Variants in MBD5 observed in about 807,000 individuals in gnomAD.
The protein encoded by MBD5 is methyl-CpG-binding domain protein 5.
MBD5 carries 13 observed loss-of-function variants against 117.3 expected under a neutral mutation model. The observed-to-expected ratio is 0.11, with a 90% confidence interval of 0.07 to 0.18. The LOEUF (loss-of-function observed/expected upper bound fraction) is 0.18. Among genes scored for constraint, MBD5 ranks in the 10% least tolerant of loss-of-function variants. The pLI is 1.00. For synonymous variants in MBD5, 727 were observed against 766.4 expected, an observed-to-expected ratio of 0.95 and a Z score of 0.85; for missense variants, 1,879 against 2,093.8, an observed-to-expected ratio of 0.90 and a Z score of 2.00.
At chr2:148,229,214 A>C (rs1174035318) in intron 2 of MBD5, among the ~76,000 whole-genome samples, 1 of 150,232 alleles carries the variant, frequency 6.7e-6, no homozygotes, top group African/African-American at 2.5e-5. Context: ...GTGTATTTTC[A>C]AACAGCCTAT....
intron 4 of MBD5, among the ~76,000 whole-genome samples, chr2:148,358,515 G>A (rs1017459949): frequency 1.3e-5 from 2 of 151,180 alleles, no homozygotes; most frequent in African/African-American, 4.9e-5. Flanking sequence ...GCTCACGCCT[G>A]TAAGTGCTCA....
chr2:148,108,605 C>T (rs763092345), intron 1 of MBD5, among the ~76,000 whole-genome samples: 1 of 151,794 alleles, frequency 6.6e-6, no homozygotes, highest in Non-Finnish European at 1.5e-5. Flanking sequence ...AGGTGAAAAA[C>T]GATTTAAGTG....
Position 148,513,122 on chromosome 2 carries a change from A to G in MBD5, c.*181A>G, listed in dbSNP as rs1426287579. The G allele has an allele frequency of 2.9e-5, 18 of 620,322 alleles. No homozygotes were observed. Among genetic ancestry groups the G allele is most frequent in the Middle Eastern group, 3.9e-4 (1 of 2,576 alleles). 38.4% of individuals were successfully genotyped at this position (620,322 alleles called of 1,614,324 possible). A position where few individuals can be genotyped will look rare whatever the true frequency, so the allele number is the denominator to read the frequency against. ...TTTTTTTGATCAGGAAGGATAATGAATGCTGGAAAAGCCAATCAAAGTCTC... is the reference window on the plus strand; with the variant it reads ...TTTTTTTGATCAGGAAGGATAATGAGTGCTGGAAAAGCCAATCAAAGTCTC... On this transcript the variant is annotated 3_prime_UTR_variant, in exon 14 of 14. Transcript: ENST00000642680.
At chr2:148,249,998 T>G (rs1406962211) in intron 3 of MBD5, among the ~76,000 whole-genome samples, 1 of 152,188 alleles carries the variant, frequency 6.6e-6, no homozygotes, top group Admixed American at 6.5e-5. Context: ...TTCCGCTACT[T>G]TCTTATTATG....
At chr2:148,132,511 A>G (rs1697075339) in intron 1 of MBD5, among the ~76,000 whole-genome samples, 1 of 152,038 alleles carries the variant, frequency 6.6e-6, no homozygotes, top group African/African-American at 2.4e-5. Flanking sequence ...TTAATATTGA[A>G]TAAGCATAAA....
intron 1 of MBD5, among the ~76,000 whole-genome samples, chr2:148,083,351 G>A (rs928970649): frequency 6.6e-6 from 1 of 152,038 alleles, no homozygotes; most frequent in African/African-American, 2.4e-5. Context: ...TTTTGCGAAA[G>A]GATTGATTAC....
At chr2:148,402,034 T>C (rs941864256) in intron 4 of MBD5, among the ~76,000 whole-genome samples, 3 of 152,152 alleles carry the variant, frequency 2.0e-5, no homozygotes, top group African/African-American at 7.2e-5. Flanking sequence ...CGGTGCTTTA[T>C]AGTAGGGTCA....
At chr2:148,424,796 A>G (rs949170714) in intron 4 of MBD5, among the ~76,000 whole-genome samples, 1 of 152,222 alleles carries the variant, frequency 6.6e-6, no homozygotes, top group Admixed American at 6.5e-5. Context: ...TGGATAAATA[A>G]CGAAATTAAG....
At chr2:148,376,459 G>C (rs1309501157) in intron 4 of MBD5, among the ~76,000 whole-genome samples, 1 of 150,050 alleles carries the variant, frequency 6.7e-6, no homozygotes, top group East Asian at 2.0e-4. Flanking sequence ...AGCAGAGACG[G>C]GGTTTCACTG....
intron 1 of MBD5, among the ~76,000 whole-genome samples, chr2:148,046,088 A>G (rs932054223): frequency 2.1e-5 from 3 of 142,678 alleles, no homozygotes; most frequent in African/African-American, 7.9e-5. Flanking sequence ...GGTTCAAGTG[A>G]TCCTCCTGCC....
chr2:148,173,970 C>T (rs1698323452), intron 1 of MBD5, among the ~76,000 whole-genome samples: 1 of 152,090 alleles, frequency 6.6e-6, no homozygotes, highest in Non-Finnish European at 1.5e-5. Flanking sequence ...ACAACAAAAA[C>T]TTGCATAGCC....
intron 2 of MBD5, among the ~76,000 whole-genome samples, chr2:148,214,172 G>A (rs925900575): frequency 6.6e-6 from 1 of 151,994 alleles, no homozygotes; most frequent in Non-Finnish European, 1.5e-5. Flanking sequence ...TAGGTGAGAG[G>A]CCAACAAATT....
rs150972614 is a variant in MBD5, at chr2:148,489,551, G to A, written c.3919G>A (p.Gly1307Ser). The part of the protein sequence containing the change: ...DPSLGQQVKD[G>S]LVVGGPGDAS... ...ATCTCTTGGTCAACAGGTGAAGGAT[G>A]GCCTCGTTGTGGGTGGCCCAGGTGA... The change falls in exon 11 of 14, where the codon GGC becomes AGC. Residue 1307 changes from glycine to serine, a missense_variant. By Grantham distance (56) the Gly-to-Ser change is moderately conservative (BLOSUM62 0). This residue lies in a region of MBD5 where 1,666 missense variants were observed against 1,792.2 expected (regional missense o/e 0.93). Coordinates refer to ENST00000642680, the MANE Select transcript of MBD5 (RefSeq NM_001378120.1). The A allele has an allele frequency of 8.7e-6, 14 of 1,614,050 alleles. No homozygotes were observed. The African/African-American group carries it at 1.7e-4, about 20-fold the overall frequency.
intron 1 of MBD5, among the ~76,000 whole-genome samples, chr2:148,152,038 G>C (rs1045473068): frequency 5.3e-5 from 8 of 151,166 alleles, no homozygotes; most frequent in Middle Eastern, 6.8e-3. Flanking sequence ...ATGTTAGGGT[G>C]TCAATTTTGG....
intron 4 of MBD5, among the ~76,000 whole-genome samples, chr2:148,381,502 G>A (rs187645905): frequency 0.02 from 3,050 of 152,246 alleles, 110 homozygotes; most frequent in African/African-American, 0.07. Context: ...TGAAAGTGAC[G>A]GGGAGATTGG....
intron 11 of MBD5, among the ~76,000 whole-genome samples, chr2:148,492,139 C>A (rs1478348052): frequency 6.6e-6 from 1 of 150,914 alleles, no homozygotes; most frequent in South Asian, 2.1e-4. Context: ...ACTCCTGAGA[C>A]TGAGGTATTC....
intron 4 of MBD5, among the ~76,000 whole-genome samples, chr2:148,352,977 T>C (rs1037467943): frequency 1.3e-5 from 2 of 152,076 alleles, no homozygotes; most frequent in South Asian, 4.1e-4. Context: ...GGAGAAAGCA[T>C]ATGTAAAATT....
intron 2 of MBD5, among the ~76,000 whole-genome samples, chr2:148,188,302 T>C (rs1394873873): frequency 6.6e-6 from 1 of 152,202 alleles, no homozygotes; most frequent in Admixed American, 6.5e-5. Flanking sequence ...CTGTGATAAG[T>C]TAAAGATGCA....
intron 2 of MBD5, among the ~76,000 whole-genome samples, chr2:148,180,507 C>T (rs896958045): frequency 1.1e-4 from 16 of 151,720 alleles, no homozygotes; most frequent in African/African-American, 3.9e-4. Flanking sequence ...CGGGCACTTT[C>T]TGGTTTTTGT....
Sources: allele counts gnomAD v4.1 joint callset (sites outside exome capture counted in the v4.1 genomes callset), GRCh38; gene constraint gnomAD v4.1.1; regional missense constraint gnomAD v4.1.1; transcripts MANE v1.5; gene names NCBI Gene and HGNC (gene_info 2026-07-23, HGNC 2026-07-21).